Variants in TEX14 observed in about 807,000 individuals in gnomAD.
TEX14 encodes the protein inactive serine/threonine-protein kinase TEX14.
A neutral mutation model predicts 178.6 loss-of-function variants in TEX14; 168 were observed. That is an observed-to-expected ratio of 0.94 (90% CI 0.83 to 1.07). The LOEUF is 1.07. Among genes scored for constraint, TEX14 ranks in the 50% least tolerant of loss-of-function variants. The pLI is 0.00. For synonymous variants in TEX14, 626 were observed against 634.1 expected, an observed-to-expected ratio of 0.99 and a Z score of 0.19; for missense variants, 1,730 against 1,753.6, an observed-to-expected ratio of 0.99 and a Z score of 0.24.
At chr17:58,655,286 C>T (rs1217507036) in intron 1 of TEX14, among the ~76,000 whole-genome samples, 2 of 152,006 alleles carry the variant, frequency 1.3e-5, no homozygotes, top group Non-Finnish European at 2.9e-5. Flanking sequence ...CGGGTTCAAG[C>T]GATTCTCCTG....
chr17:58,601,346 C>A (rs895654574), intron 13 of TEX14, among the ~76,000 whole-genome samples: 1 of 152,104 alleles, frequency 6.6e-6, no homozygotes, highest in South Asian at 2.1e-4. Context: ...CATGGTGAAA[C>A]CCCGTCTCTA....
intron 1 of TEX14, among the ~76,000 whole-genome samples, chr17:58,654,931 G>A (rs912255416): frequency 2.6e-5 from 4 of 151,944 alleles, no homozygotes; most frequent in Non-Finnish European, 4.4e-5. Flanking sequence ...GATTATAGGC[G>A]TGAGTCACCG....
intron 28 of TEX14, among the ~76,000 whole-genome samples, chr17:58,562,779 G>A (rs2044298226): frequency 6.6e-6 from 1 of 151,410 alleles, no homozygotes. Flanking sequence ...CCAAAGTACT[G>A]GGATTATAGG....
chr17:58,606,734 A>C (rs1425859542), intron 10 of TEX14, among the ~76,000 whole-genome samples: 2 of 144,724 alleles, frequency 1.4e-5, no homozygotes, highest in Admixed American at 1.4e-4. Context: ...ACTCCATCTT[A>C]AAAAAAAAAA....
At chr17:58,613,201 A>G (rs1354136071) in intron 9 of TEX14, among the ~76,000 whole-genome samples, 1 of 148,724 alleles carries the variant, frequency 6.7e-6, no homozygotes, top group Non-Finnish European at 1.5e-5. Flanking sequence ...CTCTGTCTCA[A>G]AAAAAAAAAA....
intron 28 of TEX14, 139 bp from the exon 29 acceptor site, chr17:58,561,751 G>A: frequency 3.2e-6 from 2 of 616,808 alleles, no homozygotes; most frequent in African/African-American, 1.8e-5. Flanking sequence ...AGAGCTCAGT[G>A]AGATTGTGTC....
chr17:58,591,725 A>C (rs1459313266), intron 15 of TEX14, among the ~76,000 whole-genome samples: 1 of 151,620 alleles, frequency 6.6e-6, no homozygotes, highest in Non-Finnish European at 1.5e-5. Context: ...AAAAAAAAAA[A>C]CAAAAAAAAA....
intron 1 of TEX14, among the ~76,000 whole-genome samples, chr17:58,686,204 G>A (rs1290638264): frequency 6.6e-6 from 1 of 152,044 alleles, no homozygotes; most frequent in African/African-American, 2.4e-5. Context: ...AGGCACGGTG[G>A]CATGTGCCTG....
At chr17:58,672,603 T>C (rs2047321629) in intron 1 of TEX14, among the ~76,000 whole-genome samples, 1 of 152,046 alleles carries the variant, frequency 6.6e-6, no homozygotes, top group African/African-American at 2.4e-5. Context: ...CCAGCTAATG[T>C]TTTTTTATTT....
At chr17:58,672,267 A>G (rs304264) in intron 1 of TEX14, among the ~76,000 whole-genome samples, 94,683 of 151,968 alleles carry the variant, frequency 0.62, 29,909 homozygotes, top group African/African-American at 0.71. Context: ...TGCTCCTTCC[A>G]GGGGGTTGGA....
chr17:58,652,882 G>A (rs2046869501), intron 1 of TEX14, among the ~76,000 whole-genome samples: 1 of 152,090 alleles, frequency 6.6e-6, no homozygotes, highest in Non-Finnish European at 1.5e-5. Flanking sequence ...ACATTGATAG[G>A]CCTCAATTTC....
chr17:58,603,941 G>GTGTT (rs2045542175), intron 11 of TEX14, among the ~76,000 whole-genome samples: 1 of 110,058 alleles, frequency 9.1e-6, no homozygotes, highest in African/African-American at 3.1e-5. Context: ...GTGTGTGTGT[G>GTGTT]TGTGTCTTTC....
intron 9 of TEX14, among the ~76,000 whole-genome samples, chr17:58,611,665 C>T (rs2045749552): frequency 2.0e-5 from 3 of 152,210 alleles, no homozygotes; most frequent in Admixed American, 6.5e-5. Context: ...CCCATACCAC[C>T]AGTAAACCTG....
At chr17:58,565,951 G>A in intron 26 of TEX14, 127 bp from the exon 27 acceptor site, 1 of 700,558 alleles carries the variant, frequency 1.4e-6, no homozygotes. Context: ...GAACTCGTTA[G>A]GAATGCAAAT....
intron 1 of TEX14, among the ~76,000 whole-genome samples, chr17:58,678,938 G>A (rs1598436572): frequency 6.6e-6 from 1 of 152,022 alleles, no homozygotes; most frequent in Middle Eastern, 3.4e-3. Flanking sequence ...TAAATCACCT[G>A]AGGTTAGGAG....
intron 2 of TEX14, among the ~76,000 whole-genome samples, chr17:58,642,996 C>T (rs1370983783): frequency 6.6e-6 from 1 of 152,230 alleles, no homozygotes; most frequent in Non-Finnish European, 1.5e-5. Context: ...CTTCCCCTTA[C>T]TAAACTGTGA....
intron 1 of TEX14, among the ~76,000 whole-genome samples, chr17:58,687,678 A>G (rs1249028444): frequency 6.6e-6 from 1 of 152,094 alleles, no homozygotes; most frequent in African/African-American, 2.4e-5. Context: ...CTAAAAAAAA[A>G]ATAAACTTCT....
intron 31 of TEX14, among the ~76,000 whole-genome samples, chr17:58,557,277 T>TC (rs2044157090): frequency 6.7e-6 from 1 of 148,632 alleles, no homozygotes; most frequent in East Asian, 1.9e-4. Context: ...AACCTGTTCT[T>TC]TTTTTTTTTT....
At chr17:58,683,044 G>C (rs535078804) in intron 1 of TEX14, among the ~76,000 whole-genome samples, 329 of 130,562 alleles carry the variant, frequency 2.5e-3, no homozygotes, top group African/African-American at 9.1e-3. Context: ...CAGTGCGAGA[G>C]TCTGTCTCAA....
Sources: allele counts gnomAD v4.1 joint callset (sites outside exome capture counted in the v4.1 genomes callset), GRCh38; gene constraint gnomAD v4.1.1; transcripts MANE v1.5; gene names NCBI Gene and HGNC (gene_info 2026-07-23, HGNC 2026-07-21).